Variants in TUT7 observed in about 807,000 individuals in gnomAD.
TUT7 encodes the protein terminal uridylyltransferase 7.
In TUT7, 33 loss-of-function variants were observed where a neutral mutation model predicts 165.9. The observed-to-expected ratio is 0.20, with a 90% CI of 0.15 to 0.27. TUT7 has a LOEUF of 0.27. Ranked by LOEUF, TUT7 falls within the 10% of genes least tolerant of loss-of-function variation. The pLI is 1.00. For missense variants in TUT7, 1,338 were observed against 1,762.3 expected (o/e 0.76, Z 4.31); for synonymous variants, 552 against 608.1 (o/e 0.91, Z 1.36).
intron 10 of TUT7, among the ~76,000 whole-genome samples, chr9:86,332,608 T>C (rs905029827): frequency 1.3e-5 from 2 of 152,198 alleles, no homozygotes; most frequent in Non-Finnish European, 2.9e-5. Flanking sequence ...CTACGCTTAG[T>C]ACCTGGGTGA....
intron 26 of TUT7, among the ~76,000 whole-genome samples, chr9:86,294,490 T>C (rs1365440870): frequency 6.6e-6 from 1 of 152,076 alleles, no homozygotes; most frequent in Admixed American, 6.6e-5. Context: ...AGTGGCACTA[T>C]TGTAATATAT....
chr9:86,328,429 C>T lies in TUT7; in HGVS notation c.1519G>A (p.Val507Met). 2 of 1,612,714 alleles carry T rather than the reference C, an allele frequency of 1.2e-6. No individual in the cohort carries two copies. Among genetic ancestry groups the T allele is most frequent in the Non-Finnish European group, 1.7e-6 (2 of 1,179,312 alleles). The change falls in exon 11 of 27, where the codon GTG (valine) becomes ATG (methionine). Residue 507 changes from valine (V) to methionine (M), a missense_variant. This residue lies in a region of TUT7 where 74 missense variants were observed against 128.5 expected (regional missense o/e 0.58). Coordinates refer to ENST00000375963, the MANE Select transcript of TUT7 (RefSeq NM_024617.4). ...GCACTGTCAGTATGTTCCCAGATCA[C>T]AACATCTTTTTCAATGTCTTGAAGG... is the stretch of plus-strand genomic sequence containing the variant. ...FNLQDIEKDV[V>M]IWEHTDSAAG...
At chr9:86,309,859 T>A in intron 19 of TUT7, 69 bp downstream of exon 19, 1 of 1,416,706 alleles carries the variant, frequency 7.1e-7, no homozygotes, top group Admixed American at 1.8e-5. Context: ...AAAAATAGAT[T>A]TATGTTTTCA....
chr9:86,323,036 T>A lies in TUT7; in HGVS notation c.2714A>T (p.Tyr905Phe). The A allele has an allele frequency of 6.2e-7, 1 of 1,614,210 alleles. No individual in the cohort carries two copies. The highest frequency in any genetic ancestry group is 1.1e-5 in the South Asian group (1 of 91,090). Residue 905 changes from tyrosine to phenylalanine, a missense_variant, in exon 13 of 27, where the codon TAT becomes TTT. By Grantham distance (22) the Tyr-to-Phe change is conservative. Around this residue, in one of 7 missense-constraint regions of TUT7, gnomAD observed 425 missense variants for 474.9 expected, o/e 0.89. Coordinates refer to ENST00000375963, the MANE Select transcript of TUT7 (RefSeq NM_024617.4). ...EDDELGEAAK[Y>F]EDVKECGKHV... ...TTTTCCACATTCTTTCACGTCTTCATACTTAGCAGCTTCGCCTAACTCATC... is the reference window on the plus strand; with the variant it reads ...TTTTCCACATTCTTTCACGTCTTCAAACTTAGCAGCTTCGCCTAACTCATC...
At chr9:86,291,828 G>A (rs962663680) in intron 26 of TUT7, among the ~76,000 whole-genome samples, 2 of 152,140 alleles carry the variant, frequency 1.3e-5, no homozygotes, top group African/African-American at 4.8e-5. Context: ...ATGACCTAAC[G>A]ATTTGACTTG....
At chr9:86,297,888 C>T (rs1205435707) in intron 26 of TUT7, among the ~76,000 whole-genome samples, 1 of 150,154 alleles carries the variant, frequency 6.7e-6, no homozygotes, top group Admixed American at 6.7e-5. Context: ...CTGACTTCAC[C>T]TCTACCACTC....
At chr9:86,324,956 T>C (rs1829658988) in intron 12 of TUT7, among the ~76,000 whole-genome samples, 1 of 152,204 alleles carries the variant, frequency 6.6e-6, no homozygotes, top group Admixed American at 6.5e-5. Flanking sequence ...TTTGCAAAAC[T>C]AAACAACTTC....
intron 16 of TUT7, among the ~76,000 whole-genome samples, chr9:86,317,852 G>A (rs1400376613): frequency 6.6e-6 from 1 of 151,970 alleles, no homozygotes; most frequent in Admixed American, 6.6e-5. Context: ...CCTTTTTGAT[G>A]GTTATAAAAA....
rs144879023 is a variant in TUT7 at position 86,306,980 on chromosome 9, C to T, written c.3838+1449G>A. Among the ~76,000 whole-genome samples, 1,224 of 152,064 alleles carry T rather than the reference C, an allele frequency of 8.0e-3. 16 individuals carry two copies. The highest frequency in any genetic ancestry group is 0.027 in the African/African-American group (1,136 of 41,498). ...AACCTTCAAAACTTAAAAAAGAATA[C>T]ATTAATAGGCCGGGCACAGTGGCTC... On this transcript the variant is annotated intron_variant, in intron 22 of 26. Transcript: ENST00000375963.
chr9:86,307,964 A>G (rs1827672942), intron 22 of TUT7, among the ~76,000 whole-genome samples: 1 of 152,222 alleles, frequency 6.6e-6, no homozygotes, highest in African/African-American at 2.4e-5. Context: ...ACTGCACTCC[A>G]GCCTGGGCAA....
At chr9:86,309,625 A>T in intron 19 of TUT7, 49 bp from the exon 20 acceptor site, 1 of 1,409,110 alleles carries the variant, frequency 7.1e-7, no homozygotes, top group Non-Finnish European at 9.9e-7. Flanking sequence ...TTTTCTGCTA[A>T]CTTTGCATCC....
chr9:86,309,868 C>T (rs1357915413), intron 19 of TUT7, 60 bp downstream of exon 19: 3 of 1,457,960 alleles, frequency 2.1e-6, no homozygotes, highest in Non-Finnish European at 2.9e-6. Context: ...TTTATGTTTT[C>T]AACAGTGTTT....
chr9:86,301,380 T>G lies in TUT7; in HGVS notation c.4316A>C (p.Lys1439Thr). 6.2e-7 allele frequency: 1 copy of G among 1,614,140 alleles called. No individual in the cohort carries two copies. Among genetic ancestry groups the G allele is most frequent in the Non-Finnish European group, 8.5e-7 (1 of 1,180,012 alleles). The change falls in exon 26 of 27, where the codon AAA becomes ACA. Residue 1439 changes from lysine to threonine, a missense_variant. Transcript: ENST00000375963. ...GTCTTTGTCATCCTGTCTCTTCCATTTTTCTACTGGTGGCCTGAGGATCTT... is the reference window on the plus strand; with the variant it reads ...GTCTTTGTCATCCTGTCTCTTCCATGTTTCTACTGGTGGCCTGAGGATCTT... ...REKILRPPVE[K>T]WKRQDDKDLR...
chr9:86,304,847 C>A lies in TUT7; in HGVS notation c.3978+9G>T. The A allele has an allele frequency of 6.3e-7, 1 of 1,582,616 alleles. No homozygotes were observed. The highest frequency in any genetic ancestry group is 1.1e-5 in the South Asian group (1 of 88,206). ...ATTTTTTATTTTTTGGTATTTCCAA[C>A]ACACTTACCATTTTTGAGGGGTAGT... On this transcript the variant is annotated intron_variant, in intron 24 of 26. Transcript: ENST00000375963.
intron 22 of TUT7, among the ~76,000 whole-genome samples, chr9:86,306,493 T>C (rs1475186055): frequency 6.6e-6 from 1 of 152,204 alleles, no homozygotes; most frequent in Non-Finnish European, 1.5e-5. Context: ...TACTACAATA[T>C]TAGCTACTGT....
chr9:86,330,423 G>C (rs1357752856), intron 10 of TUT7, among the ~76,000 whole-genome samples: 1 of 152,164 alleles, frequency 6.6e-6, no homozygotes, highest in Non-Finnish European at 1.5e-5. Context: ...TAACTGCTCA[G>C]TAAAGATTTG....
chr9:86,330,436 G>A (rs1055826556), intron 10 of TUT7, among the ~76,000 whole-genome samples: 1 of 152,124 alleles, frequency 6.6e-6, no homozygotes, highest in African/African-American at 2.4e-5. Flanking sequence ...AAGATTTGTT[G>A]ACAGACTGAA....
rs974505079 is a variant in TUT7 at position 86,305,235 on chromosome 9, G to C, written c.3843C>G (p.Pro1281=). ...CTCCAAGATTATGATTCAAATCAAAGGGATCTAAGCAAAAAAATTTAAGAG... is the reference window on the plus strand; with the variant it reads ...CTCCAAGATTATGATTCAAATCAAACGGATCTAAGCAAAAAAATTTAAGAG... ...WTSKYIVIED[P]FDLNHNLGAG... The change falls in exon 23 of 27, where the codon CCC becomes CCG. Residue 1281 remains proline (P), a synonymous_variant. Transcript: ENST00000375963. 6.3e-7 allele frequency: 1 copy of C among 1,596,790 alleles called. No homozygotes were observed. The highest frequency in any genetic ancestry group is 8.5e-7 in the Non-Finnish European group (1 of 1,174,034).
intron 26 of TUT7, among the ~76,000 whole-genome samples, chr9:86,289,083 A>G (rs567130674): frequency 6.8e-4 from 103 of 152,340 alleles, no homozygotes; most frequent in African/African-American, 2.4e-3. Flanking sequence ...GCAGCCAAAC[A>G]TAATAGATTG....
Sources: allele counts gnomAD v4.1 joint callset (sites outside exome capture counted in the v4.1 genomes callset), GRCh38; gene constraint gnomAD v4.1.1; regional missense constraint gnomAD v4.1.1; transcripts MANE v1.5; gene names NCBI Gene and HGNC (gene_info 2026-07-23, HGNC 2026-07-21).